Variants in SPARCL1 observed in about 807,000 individuals in gnomAD.
SPARCL1 encodes SPARC-like protein 1.
Under a neutral mutation model 67.1 loss-of-function variants are expected in SPARCL1, and 52 were observed. That is an observed-to-expected ratio of 0.78 (90% CI 0.62 to 0.98). The LOEUF is 0.98. Among genes scored for constraint, SPARCL1 ranks in the 50% least tolerant of loss-of-function variants. The probability of loss-of-function intolerance (pLI) is 0.00; values close to 1 mark genes in which losing one functional copy is unlikely to be tolerated. For missense variants in SPARCL1, 717 were observed against 782.4 expected, an observed-to-expected ratio of 0.92 and a Z score of 1.00; for synonymous variants, 226 against 267.8, an observed-to-expected ratio of 0.84 and a Z score of 1.52.
chr4:87,520,998 G>A (rs1234511436), intron 1 of SPARCL1, among the ~76,000 whole-genome samples: 1 of 152,132 alleles, frequency 6.6e-6, no homozygotes, highest in Non-Finnish European at 1.5e-5. Flanking sequence ...ATTTATTAGG[G>A]AACCTACACA....
intron 1 of SPARCL1, among the ~76,000 whole-genome samples, chr4:87,506,886 A>G (rs1725109045): frequency 6.6e-6 from 1 of 152,116 alleles, no homozygotes; most frequent in Non-Finnish European, 1.5e-5. Flanking sequence ...ACCTTGACTA[A>G]TAAAACATCT....
At chr4:87,494,795 C>G (rs192390934) in intron 3 of SPARCL1, among the ~76,000 whole-genome samples, 186 bp downstream of exon 3, 1 of 152,166 alleles carries the variant, frequency 6.6e-6, no homozygotes, top group African/African-American at 2.4e-5. Flanking sequence ...TACAGCAGCT[C>G]AGCCCAAGTA....
Position 87,473,681 on chromosome 4 carries a change from A to T in SPARCL1, c.*94T>A. 1.1e-6 allele frequency: 1 copy of T among 882,982 alleles called. No homozygotes were observed. The highest frequency in any genetic ancestry group is 1.8e-6 in the Non-Finnish European group (1 of 570,064). The allele number at this position is 882,982 out of a possible 1,614,324, so 54.7% of individuals were successfully genotyped here. On this transcript the variant is annotated 3_prime_UTR_variant, in exon 11 of 11. Transcript: ENST00000282470. Reference sequence around the variant, plus strand: ...TTGTCATACATGCTAACATTTTGCTAAATATAAATCTACAAGTATCACAGC... The same window carrying T: ...TTGTCATACATGCTAACATTTTGCTTAATATAAATCTACAAGTATCACAGC...
intron 7 of SPARCL1, among the ~76,000 whole-genome samples, chr4:87,487,298 A>C (rs1724116441): frequency 6.6e-6 from 1 of 151,964 alleles, no homozygotes. Flanking sequence ...GTGGTGAAAA[A>C]ATCTCTCAGC....
intron 3 of SPARCL1, 138 bp downstream of exon 3, chr4:87,494,843 G>T: frequency 1.3e-6 from 1 of 796,966 alleles, no homozygotes; most frequent in Non-Finnish European, 1.9e-6. Flanking sequence ...TCTAGTGATT[G>T]GAGGCAGTTG....
In SPARCL1 at chr4:87,494,080, A is replaced by C; in HGVS notation, c.720T>G (p.Ser240=). Residue 240 remains serine (S), a synonymous_variant, in exon 4 of 11, where the codon TCT becomes TCG. Transcript: ENST00000282470. ...GATCAGACTCTTCCAAAATATCATCAGATTGGGTATTGTCTTCCTCCTGCT... is the reference window on the plus strand; with the variant it reads ...GATCAGACTCTTCCAAAATATCATCCGATTGGGTATTGTCTTCCTCCTGCT... The part of the protein sequence containing the change: ...NSKQEEDNTQ[S]DDILEESDQP... 1 of 1,613,946 alleles carries C rather than the reference A, an allele frequency of 6.2e-7. No individual in the cohort carries two copies. Among genetic ancestry groups the C allele is most frequent in the Non-Finnish European group, 8.5e-7 (1 of 1,180,018 alleles).
chr4:87,501,885 G>A (rs753491222), intron 1 of SPARCL1, among the ~76,000 whole-genome samples: 1 of 151,298 alleles, frequency 6.6e-6, no homozygotes, highest in Non-Finnish European at 1.5e-5. Flanking sequence ...TCTCCGATTT[G>A]CTAATCATTT....
At chr4:87,526,856 G>A (rs1350333504) in intron 1 of SPARCL1, among the ~76,000 whole-genome samples, 1 of 152,140 alleles carries the variant, frequency 6.6e-6, no homozygotes, top group Non-Finnish European at 1.5e-5. Context: ...TACCAAACAT[G>A]GCTCTTTTCT....
intron 1 of SPARCL1, among the ~76,000 whole-genome samples, chr4:87,511,967 CTT>C (rs3037337): frequency 9.1e-5 from 11 of 121,544 alleles, no homozygotes; most frequent in East Asian, 2.6e-4. Context: ...CTTTCTTTCT[CTT>C]TTTTTTTTTT....
At chr4:87,482,162 C>T (rs1462080205) in intron 8 of SPARCL1, among the ~76,000 whole-genome samples, 6 of 152,158 alleles carry the variant, frequency 3.9e-5, no homozygotes, top group Admixed American at 3.9e-4. Context: ...TTTGCTCAAC[C>T]AGAGCTTGCT....
Position 87,493,572 on chromosome 4 carries a change from A to G in SPARCL1, c.1218+10T>C, listed in dbSNP as rs200744542. 2.5e-4 allele frequency: 405 copies of G among 1,589,646 alleles called. No homozygotes were observed. Among genetic ancestry groups the G allele is most frequent in the Non-Finnish European group, 3.3e-4 (386 of 1,167,922 alleles). On this transcript the variant is annotated intron_variant, in intron 4 of 10. Transcript: ENST00000282470. Reference sequence around the variant, plus strand: ...CTTTATTGGACAAGGACCATTTAAAATAATTTTACCTCTTGGTGCTCTCCA... The same window carrying G: ...CTTTATTGGACAAGGACCATTTAAAGTAATTTTACCTCTTGGTGCTCTCCA...
intron 1 of SPARCL1, among the ~76,000 whole-genome samples, chr4:87,512,208 T>A (rs142056698): frequency 0.055 from 8,327 of 152,136 alleles, 734 homozygotes; most frequent in African/African-American, 0.19. Flanking sequence ...CCTCAGGTGA[T>A]CCACCTGCCT....
intron 1 of SPARCL1, among the ~76,000 whole-genome samples, chr4:87,517,676 A>G (rs188636891): frequency 3.3e-5 from 5 of 152,312 alleles, no homozygotes; most frequent in Admixed American, 2.6e-4. Flanking sequence ...TATAATATAA[A>G]ACTCCTTTGG....
At chr4:87,508,563 T>TG (rs1038606353) in intron 1 of SPARCL1, among the ~76,000 whole-genome samples, 2 of 151,786 alleles carry the variant, frequency 1.3e-5, no homozygotes, top group African/African-American at 4.8e-5. Context: ...CCTTCTGAAA[T>TG]GGGGGTCTTA....
intron 1 of SPARCL1, among the ~76,000 whole-genome samples, chr4:87,517,038 G>A (rs569356433): frequency 6.6e-6 from 1 of 152,228 alleles, no homozygotes; most frequent in Non-Finnish European, 1.5e-5. Flanking sequence ...GTGTTATAGT[G>A]GGAGACATTA....
chr4:87,493,757 C>A lies in SPARCL1; in HGVS notation c.1043G>T (p.Gly348Val). 2 of 1,614,058 alleles carry A rather than the reference C, an allele frequency of 1.2e-6. No homozygotes were observed. The highest frequency in any genetic ancestry group is 1.7e-6 in the Non-Finnish European group (2 of 1,179,992). Residue 348 changes from glycine (G) to valine (V), a missense_variant, in exon 4 of 11, where the codon GGC becomes GTC. Coordinates refer to ENST00000282470, the MANE Select transcript of SPARCL1 (RefSeq NM_004684.6). ...ACTGTGCCTGGGGCCATCAGTGCCG[C>A]CATCATCGCCATCATCATCGCCATC... ...DDDGDDDGDD[G>V]GTDGPRHSAS...
intron 1 of SPARCL1, among the ~76,000 whole-genome samples, chr4:87,512,883 G>A (rs76975121): frequency 1.3e-5 from 2 of 152,134 alleles, no homozygotes; most frequent in Admixed American, 6.5e-5. Context: ...GTCATAGGCT[G>A]TAATACTTAA....
chr4:87,501,148 C>T (rs974264307), intron 1 of SPARCL1, among the ~76,000 whole-genome samples: 26 of 152,138 alleles, frequency 1.7e-4, no homozygotes, highest in Admixed American at 3.3e-4. Flanking sequence ...GGAAATCCCT[C>T]GTGTCCATTT....
Position 87,525,953 on chromosome 4 carries a change from A to C in SPARCL1, c.-12+3092T>G, listed in dbSNP as rs6814787. ...AAACACCAAACAAAGACAAAAAAACAAAAAAAAGACTCTTTCACTTGAATT... is the reference window on the plus strand; with the variant it reads ...AAACACCAAACAAAGACAAAAAAACCAAAAAAAGACTCTTTCACTTGAATT... On this transcript the variant is annotated intron_variant, in intron 1 of 10. Transcript: ENST00000282470. Among the ~76,000 whole-genome samples the C allele has an allele frequency of 1.1e-3, 83 of 74,274 alleles. 1 individual carries two copies. In the South Asian group the frequency reaches 0.044, roughly 39 times the overall value. 48.7% of individuals were successfully genotyped at this position (74,274 alleles called of 152,430 possible).
Sources: gnomAD v4.1 joint callset for allele counts (sites outside exome capture counted in the v4.1 genomes callset) on GRCh38, gnomAD v4.1.1 for gene constraint, MANE v1.5 for transcripts, NCBI Gene and HGNC (gene_info 2026-07-23, HGNC 2026-07-21) for gene names.